Variants in TMEM45A observed in about 807,000 individuals in gnomAD.
TMEM45A encodes transmembrane protein 45A.
TMEM45A carries 25 observed loss-of-function variants against 32.0 expected under a neutral mutation model. That is an observed-to-expected ratio of 0.78 (90% CI 0.57 to 1.09). TMEM45A has a LOEUF of 1.09. Among genes scored for constraint, TMEM45A ranks in the 50% least tolerant of loss-of-function variants. The pLI is 0.00. For synonymous variants in TMEM45A, 122 were observed against 114.8 expected (o/e 1.06, Z -0.40); for missense variants, 302 against 325.0 (o/e 0.93, Z 0.54).
chr3:100,512,081 C>A (rs1442483709), intron 1 of TMEM45A, among the ~76,000 whole-genome samples: 1 of 152,136 alleles, frequency 6.6e-6, no homozygotes, highest in African/African-American at 2.4e-5. Context: ...AGAAAGTCAA[C>A]AAGGATACCC....
chr3:100,509,561 G>C (rs1708125306), intron 1 of TMEM45A, among the ~76,000 whole-genome samples: 1 of 152,168 alleles, frequency 6.6e-6, no homozygotes, highest in African/African-American at 2.4e-5. Flanking sequence ...TGAATGAATG[G>C]GTAAAGAAAA....
At chr3:100,546,852 A>G (rs1705988643) in intron 1 of TMEM45A, among the ~76,000 whole-genome samples, 1 of 152,186 alleles carries the variant, frequency 6.6e-6, no homozygotes, top group African/African-American at 2.4e-5. Context: ...ACATACAAGG[A>G]CTTTGAAATC....
At chr3:100,493,933 T>C (rs1030078679) in intron 1 of TMEM45A, among the ~76,000 whole-genome samples, 3 of 152,318 alleles carry the variant, frequency 2.0e-5, no homozygotes, top group East Asian at 1.9e-4. Flanking sequence ...GGTTTCGCCA[T>C]GTTGGCCAGG....
intron 1 of TMEM45A, among the ~76,000 whole-genome samples, chr3:100,523,831 T>A (rs945787100): frequency 6.6e-6 from 1 of 152,164 alleles, no homozygotes; most frequent in Non-Finnish European, 1.5e-5. Context: ...TCTTTTTCTT[T>A]CTTCTCTTTC....
chr3:100,524,827 G>A (rs1020495830), intron 1 of TMEM45A, among the ~76,000 whole-genome samples: 2 of 152,172 alleles, frequency 1.3e-5, no homozygotes, highest in Non-Finnish European at 2.9e-5. Context: ...ATAAATGACA[G>A]TCTTGCTTTT....
chr3:100,495,201 ATCT>A (rs1427576111), intron 1 of TMEM45A, among the ~76,000 whole-genome samples: 2 of 152,230 alleles, frequency 1.3e-5, no homozygotes, highest in Non-Finnish European at 2.9e-5. Flanking sequence ...GGTAGAATTG[ATCT>A]TCTTAGGAAG....
intron 1 of TMEM45A, chr3:100,519,328 T>C: frequency 3.5e-6 from 2 of 568,404 alleles, no homozygotes; most frequent in Admixed American, 3.0e-5. Context: ...TAAGTTTTAA[T>C]ACTGTGTTTG....
intron 1 of TMEM45A, among the ~76,000 whole-genome samples, chr3:100,528,473 G>A (rs980830169): frequency 6.6e-6 from 1 of 152,138 alleles, no homozygotes; most frequent in Admixed American, 6.5e-5. Flanking sequence ...GGGATTTCTT[G>A]GGGCTGAAGT....
At chr3:100,529,634 A>AT (rs1225470892) in intron 1 of TMEM45A, among the ~76,000 whole-genome samples, 1 of 151,928 alleles carries the variant, frequency 6.6e-6, no homozygotes, top group African/African-American at 2.4e-5. Context: ...TTTTACTTTT[A>AT]TTTTTGTGAT....
intron 1 of TMEM45A, among the ~76,000 whole-genome samples, chr3:100,494,578 C>T (rs1246162645): frequency 6.6e-6 from 1 of 151,782 alleles, no homozygotes; most frequent in Non-Finnish European, 1.5e-5. Flanking sequence ...GCCAAGATCA[C>T]GCCACTGCAC....
chr3:100,576,519 C>T lies in TMEM45A; in HGVS notation c.735-406C>T, dbSNP rs138455995. 2.9e-3 allele frequency among the ~76,000 whole-genome samples: 441 copies of T among 151,970 alleles called. 6 individuals are homozygous for T. Among genetic ancestry groups the T allele is most frequent in the Admixed American group, 0.017 (256 of 15,272 alleles). ...CCTCTAATTCCAGCTACTCAGGAGG[C>T]TGAGGCAGGAGGATTGCTTGAACCT... is the stretch of plus-strand genomic sequence containing the variant. On this transcript the variant is annotated intron_variant, in intron 5 of 5. Transcript: ENST00000323523.
chr3:100,527,686 A>T (rs989625086), intron 1 of TMEM45A, among the ~76,000 whole-genome samples: 5 of 152,222 alleles, frequency 3.3e-5, no homozygotes, highest in Admixed American at 6.5e-5. Flanking sequence ...AAGATATACC[A>T]GTTCATGATG....
intron 1 of TMEM45A, among the ~76,000 whole-genome samples, chr3:100,527,087 A>G (rs548945049): frequency 2.6e-5 from 4 of 152,332 alleles, no homozygotes; most frequent in African/African-American, 7.2e-5. Flanking sequence ...TGACTGAGCA[A>G]GAGACCGCCT....
chr3:100,512,127 AT>A (rs1316310147), intron 1 of TMEM45A, among the ~76,000 whole-genome samples: 1 of 152,200 alleles, frequency 6.6e-6, no homozygotes, highest in Non-Finnish European at 1.5e-5. Flanking sequence ...AGTGGACCTA[AT>A]AGACATCTGC....
At chr3:100,571,256 C>T (rs996941490) in intron 5 of TMEM45A, 1 of 152,116 alleles carries the variant, frequency 6.6e-6, no homozygotes, top group African/African-American at 2.4e-5. Context: ...TGGACAGCAG[C>T]CGTCCAATAT....
At chr3:100,535,067 G>T (rs1705717806) in intron 1 of TMEM45A, among the ~76,000 whole-genome samples, 1 of 151,930 alleles carries the variant, frequency 6.6e-6, no homozygotes, top group South Asian at 2.1e-4. Flanking sequence ...AAATTATTTT[G>T]TGTGTTAACT....
At chr3:100,513,179 G>T (rs966456852) in intron 1 of TMEM45A, among the ~76,000 whole-genome samples, 3 of 149,584 alleles carry the variant, frequency 2.0e-5, no homozygotes, top group African/African-American at 5.0e-5. Flanking sequence ...CAAAAAAAGA[G>T]AATTTTAGAC....
At chr3:100,545,459 T>G (rs1190974453) in intron 1 of TMEM45A, among the ~76,000 whole-genome samples, 1 of 152,184 alleles carries the variant, frequency 6.6e-6, no homozygotes, top group Admixed American at 6.5e-5. Flanking sequence ...CTAGCTGTAT[T>G]TTTCATTATC....
intron 5 of TMEM45A, among the ~76,000 whole-genome samples, chr3:100,570,058 A>G (rs893507624): frequency 6.6e-6 from 1 of 152,234 alleles, no homozygotes; most frequent in African/African-American, 2.4e-5. Flanking sequence ...TTCAGACTTC[A>G]GTGCTGATTG....
Sources: allele counts gnomAD v4.1 joint callset (sites outside exome capture counted in the v4.1 genomes callset), GRCh38; gene constraint gnomAD v4.1.1; transcripts MANE v1.5; gene names NCBI Gene and HGNC (gene_info 2026-07-23, HGNC 2026-07-21).